Variants in MYRIP observed in about 807,000 individuals in gnomAD.
MYRIP encodes the protein myosin VIIA and Rab interacting protein, also known as rab effector MyRIP.
MYRIP carries 49 observed loss-of-function variants against 98.0 expected under a neutral mutation model. That is an observed-to-expected ratio of 0.50 (90% CI 0.40 to 0.63). The LOEUF is 0.63. Among genes scored for constraint, MYRIP ranks in the 30% least tolerant of loss-of-function variants. The pLI, the probability that MYRIP is intolerant of heterozygous loss-of-function variation, is 0.00. For missense variants in MYRIP, 1,004 were observed against 1,058.2 expected (o/e 0.95, Z 0.71); for synonymous variants, 404 against 409.5 (o/e 0.99, Z 0.16).
intron 1 of MYRIP, among the ~76,000 whole-genome samples, chr3:39,822,601 A>G (rs1279628784): frequency 6.6e-6 from 1 of 152,212 alleles, no homozygotes; most frequent in Admixed American, 6.5e-5. Context: ...ATTATTGACT[A>G]TAGTCATCCT....
intron 9 of MYRIP, among the ~76,000 whole-genome samples, chr3:40,187,228 C>A (rs1951062803): frequency 6.6e-6 from 1 of 152,182 alleles, no homozygotes; most frequent in Admixed American, 6.5e-5. Flanking sequence ...TGCATTATCT[C>A]ATATTAATTC....
chr3:39,906,224 C>T (rs749836776), intron 2 of MYRIP, among the ~76,000 whole-genome samples: 2 of 152,070 alleles, frequency 1.3e-5, no homozygotes, highest in Non-Finnish European at 2.9e-5. Context: ...GGAAAGTTGA[C>T]ATTTCTGGAA....
intron 2 of MYRIP, among the ~76,000 whole-genome samples, chr3:40,009,306 G>A (rs1239217388): frequency 2.0e-5 from 3 of 147,414 alleles, no homozygotes; most frequent in Admixed American, 6.8e-5. Flanking sequence ...GTGTGATCTC[G>A]GCTCCCTGCA....
In MYRIP at chr3:40,248,819, T is replaced by C. The variant is rs895531609; in HGVS notation, c.2263-1403T>C. Among the ~76,000 whole-genome samples, 81 of 152,208 alleles carry C rather than the reference T, an allele frequency of 5.3e-4. 2 individuals are homozygous for C. Among genetic ancestry groups the C allele is most frequent in the Admixed American group, 3.9e-4 (6 of 15,278 alleles). ...TCATAAACCAAAAGAATGCAGTTCT[T>C]AATGTGAAATTTGAAGATTAAGAAC... On this transcript the variant is annotated intron_variant, in intron 13 of 16. Coordinates refer to ENST00000302541, the MANE Select transcript of MYRIP (RefSeq NM_015460.4).
At chr3:40,147,450 A>G (rs1310883063) in intron 3 of MYRIP, among the ~76,000 whole-genome samples, 1 of 152,146 alleles carries the variant, frequency 6.6e-6, no homozygotes, top group Non-Finnish European at 1.5e-5. Context: ...TGACCGTGTG[A>G]TCATTTTATA....
chr3:40,152,183 A>G (rs1950138119), intron 4 of MYRIP, among the ~76,000 whole-genome samples: 1 of 152,204 alleles, frequency 6.6e-6, no homozygotes, highest in Non-Finnish European at 1.5e-5. Flanking sequence ...TTCTCTAAAT[A>G]CTCTGTAGGA....
At chr3:40,101,276 T>C (rs1948939882) in intron 3 of MYRIP, among the ~76,000 whole-genome samples, 2 of 152,184 alleles carry the variant, frequency 1.3e-5, no homozygotes, top group African/African-American at 4.8e-5. Flanking sequence ...AAAAAGCAGC[T>C]TTCTGGTGTT....
At chr3:40,203,985 TATATATTATATATATTATATATTA>T in intron 10 of MYRIP, among the ~76,000 whole-genome samples, 1 of 1,290 alleles carries the variant, frequency 7.8e-4, no homozygotes, top group African/African-American at 2.0e-3. Flanking sequence ...TTATATATAA[TATATATTATATATATTATATATTA>T]TATATAATAT....
At chr3:39,982,199 G>A (rs1945912284) in intron 2 of MYRIP, among the ~76,000 whole-genome samples, 1 of 152,192 alleles carries the variant, frequency 6.6e-6, no homozygotes, top group African/African-American at 2.4e-5. Flanking sequence ...CTGCTCTGTA[G>A]AGAGTAGTAG....
intron 2 of MYRIP, among the ~76,000 whole-genome samples, chr3:39,946,104 G>C (rs1002096929): frequency 8.6e-5 from 13 of 151,904 alleles, no homozygotes; most frequent in Admixed American, 3.9e-4. Flanking sequence ...TCAAGGGAGT[G>C]GCAATAAAAC....
intron 1 of MYRIP, among the ~76,000 whole-genome samples, chr3:39,887,537 G>A (rs1395843051): frequency 1.3e-5 from 2 of 151,730 alleles, no homozygotes; most frequent in African/African-American, 4.8e-5. Context: ...TCAAAATAAT[G>A]AGAGCTATCT....
chr3:39,878,109 A>G (rs1943053126), intron 1 of MYRIP, among the ~76,000 whole-genome samples: 1 of 152,158 alleles, frequency 6.6e-6, no homozygotes, highest in African/African-American at 2.4e-5. Flanking sequence ...CTGCTGTGCT[A>G]GCAATCAGCG....
At chr3:40,210,244 C>A (rs1055128844) in intron 11 of MYRIP, 151 bp downstream of exon 11, 5 of 985,550 alleles carry the variant, frequency 5.1e-6, no homozygotes, top group Non-Finnish European at 7.3e-6. Context: ...CTAAGAGAAC[C>A]CTTCTTAACT....
chr3:39,993,198 G>T (rs1008961043), intron 2 of MYRIP, among the ~76,000 whole-genome samples: 2 of 152,092 alleles, frequency 1.3e-5, no homozygotes, highest in Non-Finnish European at 2.9e-5. Context: ...AGCTGAACCT[G>T]TCCTTTTATA....
At chr3:39,991,943 A>C (rs1946190666) in intron 2 of MYRIP, among the ~76,000 whole-genome samples, 1 of 152,136 alleles carries the variant, frequency 6.6e-6, no homozygotes, top group Non-Finnish European at 1.5e-5. Context: ...AGGGCTCTAT[A>C]AGTATATATT....
At chr3:40,057,482 GTA>G (rs1411957618) in intron 3 of MYRIP, among the ~76,000 whole-genome samples, 1 of 152,112 alleles carries the variant, frequency 6.6e-6, no homozygotes, top group Non-Finnish European at 1.5e-5. Flanking sequence ...GACAACCTCC[GTA>G]TGTCATAAAA....
intron 8 of MYRIP, among the ~76,000 whole-genome samples, chr3:40,176,586 C>CA (rs1348322548): frequency 3.3e-5 from 5 of 151,866 alleles, no homozygotes; most frequent in African/African-American, 4.8e-5. Flanking sequence ...CCCATCTCTA[C>CA]AAAAAATAAA....
chr3:40,035,742 G>T (rs142357676), intron 2 of MYRIP, among the ~76,000 whole-genome samples: 45 of 151,940 alleles, frequency 3.0e-4, no homozygotes, highest in African/African-American at 1.0e-3. Context: ...CCAGGAAGAG[G>T]TTATAAAAGA....
chr3:40,112,326 A>G (rs1949175259), intron 3 of MYRIP, among the ~76,000 whole-genome samples: 1 of 152,076 alleles, frequency 6.6e-6, no homozygotes, highest in African/African-American at 2.4e-5. Context: ...GAAAGGAGGA[A>G]GGGACAAATA....
Sources: allele counts gnomAD v4.1 joint callset (sites outside exome capture counted in the v4.1 genomes callset), GRCh38; gene constraint gnomAD v4.1.1; transcripts MANE v1.5; gene names NCBI Gene and HGNC (gene_info 2026-07-23, HGNC 2026-07-21).